Variants in CAMK2B observed in about 807,000 individuals in gnomAD.
The protein encoded by CAMK2B is calcium/calmodulin dependent protein kinase II beta, also known as calcium/calmodulin-dependent protein kinase type II subunit beta.
A neutral mutation model predicts 93.7 loss-of-function variants in CAMK2B; 27 were observed. The ratio of observed to expected loss-of-function variants is 0.29; its 90% CI spans 0.21 to 0.40. The LOEUF is 0.40. Ranked by LOEUF, CAMK2B falls within the 10% of genes least tolerant of loss-of-function variation. The probability of loss-of-function intolerance (pLI) is 1.00; values close to 1 mark genes in which losing one functional copy is unlikely to be tolerated. For missense variants in CAMK2B, 568 were observed against 895.8 expected (o/e 0.63, Z 4.67); for synonymous variants, 374 against 358.8 (o/e 1.04, Z -0.48).
intron 4 of CAMK2B, among the ~76,000 whole-genome samples, chr7:44,258,110 G>T (rs1258588314): frequency 6.6e-6 from 1 of 152,256 alleles, no homozygotes; most frequent in Non-Finnish European, 1.5e-5. Flanking sequence ...AAAAGTGAGG[G>T]AGATGAGATC....
In CAMK2B at chr7:44,225,742, A is replaced by T. The variant is rs1303836839; in HGVS notation, c.1597+774T>A. 4 of 1,288,628 alleles carry T rather than the reference A, an allele frequency of 3.1e-6. No individual in the cohort carries two copies. The highest frequency in any genetic ancestry group is 4.0e-6 in the Non-Finnish European group (4 of 988,396). 79.8% of individuals were successfully genotyped at this position (1,288,628 alleles called of 1,614,324 possible). The stretch of plus-strand genomic sequence containing the variant: ...GAGGGGACGGTGGCAAGCAGACCCC[A>T]CCTGTCCCTCAAGTACTTACCTAGC... On this transcript the variant is annotated intron_variant, in intron 20 of 23. Coordinates refer to ENST00000395749, the MANE Select transcript of CAMK2B (RefSeq NM_001220.5). The surrounding 1 kb of genome is among the most constrained non-coding windows in gnomAD (Gnocchi z 5.0).
chr7:44,308,027 G>C (rs1792403791), intron 1 of CAMK2B, among the ~76,000 whole-genome samples: 1 of 152,124 alleles, frequency 6.6e-6, no homozygotes, highest in African/African-American at 2.4e-5. Flanking sequence ...ACCTATAGGA[G>C]CTCTTTCCAT....
chr7:44,255,569 C>G (rs1332109128), intron 4 of CAMK2B, among the ~76,000 whole-genome samples: 1 of 152,184 alleles, frequency 6.6e-6, no homozygotes, highest in African/African-American at 2.4e-5. Context: ...CCTCCTCTGC[C>G]TCCGCACCCT....
rs149919373 is a variant in CAMK2B at position 44,271,310 on chromosome 7, G to C, written c.161-8246C>G. ...TGGTACCAACACACTTAACTCAAGC[G>C]TCCCAATTCACTTCAAGGCTAAACT... On this transcript the variant is annotated intron_variant, in intron 2 of 23. Transcript: ENST00000395749. The surrounding 1 kb of genome is among the most constrained non-coding windows in gnomAD (Gnocchi z 4.2). 6.6e-6 allele frequency among the ~76,000 whole-genome samples: 1 copy of C among 152,188 alleles called. No homozygotes were observed. The highest frequency in any genetic ancestry group is 1.5e-5 in the Non-Finnish European group (1 of 68,036).
chr7:44,232,690 C>T (rs899331809), intron 16 of CAMK2B, 132 bp downstream of exon 16: 24 of 828,016 alleles, frequency 2.9e-5, no homozygotes, highest in African/African-American at 2.0e-4. Flanking sequence ...GGGGCCCTAC[C>T]GTACTGCGGG....
At chr7:44,229,772 G>C in intron 17 of CAMK2B, 1 of 363,400 alleles carries the variant, frequency 2.8e-6, no homozygotes, top group Non-Finnish European at 4.9e-6. Flanking sequence ...GCAGGCTGGC[G>C]CAGAGTCAGA....
intron 1 of CAMK2B, among the ~76,000 whole-genome samples, chr7:44,323,137 C>A (rs532755709): frequency 6.6e-6 from 1 of 152,372 alleles, no homozygotes; most frequent in South Asian, 2.1e-4. Context: ...CTTCCCTACC[C>A]AAGAGCCGCC....
chr7:44,247,341 C>T (rs2096741639), intron 5 of CAMK2B, 149 bp from the exon 6 acceptor site: 3 of 685,506 alleles, frequency 4.4e-6, no homozygotes, highest in Non-Finnish European at 7.9e-6. Context: ...CCAGGAGGGG[C>T]CTCTGGGGCT....
chr7:44,289,268 C>T (rs1024227833), intron 1 of CAMK2B, among the ~76,000 whole-genome samples: 57 of 152,216 alleles, frequency 3.7e-4, no homozygotes, highest in African/African-American at 1.3e-3. Context: ...GGTCGCACTG[C>T]GGCCCTCGCC....
At position 44,229,510 on chromosome 7, in the gene CAMK2B, G is replaced by A; in HGVS notation, c.1226-9C>T. ...GTCGGGGACCCTGGGGGCTGAGGCG[G>A]AACAGGTGAGGCAGGCAGGTGGGTG... On this transcript the variant is annotated splice_polypyrimidine_tract_variant and intron_variant, in intron 17 of 23. Transcript: ENST00000395749. 7.3e-7 allele frequency: 1 copy of A among 1,375,186 alleles called. No homozygotes were observed. The highest frequency in any genetic ancestry group is 1.9e-4 in the Middle Eastern group (1 of 5,142). 85.2% of individuals were successfully genotyped at this position (1,375,186 alleles called of 1,614,324 possible).
At chr7:44,297,071 T>C (rs59756849) in intron 1 of CAMK2B, among the ~76,000 whole-genome samples, 4,492 of 152,306 alleles carry the variant, frequency 0.029, 219 homozygotes, top group African/African-American at 0.1. Flanking sequence ...AAAATAATGA[T>C]ACTAACAGTG....
intron 10 of CAMK2B, 33 bp downstream of exon 10, chr7:44,242,185 C>G: frequency 6.3e-7 from 1 of 1,598,728 alleles, no homozygotes; most frequent in Non-Finnish European, 8.5e-7. Context: ...ACCAGGAGCC[C>G]CCTCCCCACC....
In CAMK2B at chr7:44,254,619, G is replaced by T; in HGVS notation, c.276-12C>A. On this transcript the variant is annotated splice_polypyrimidine_tract_variant and intron_variant, in intron 4 of 23. Transcript: ENST00000395749. ...CCCCACCAGTGACCCTATGGGAGAA[G>T]CATGAAGGGGTCACAGATTCTGGAG... is the stretch of plus-strand genomic sequence containing the variant. The T allele has an allele frequency of 6.2e-7, 1 of 1,604,022 alleles. No individual in the cohort carries two copies. The highest frequency in any genetic ancestry group is 8.5e-7 in the Non-Finnish European group (1 of 1,172,594).
chr7:44,310,342 C>A (rs1793199995), intron 1 of CAMK2B, among the ~76,000 whole-genome samples: 1 of 152,220 alleles, frequency 6.6e-6, no homozygotes, highest in African/African-American at 2.4e-5. Context: ...TTCCACAGAA[C>A]CACTTCCTGG....
At chr7:44,228,987 G>T in intron 18 of CAMK2B, 63 bp from the exon 19 acceptor site, 2 of 1,546,266 alleles carry the variant, frequency 1.3e-6, no homozygotes, top group Non-Finnish European at 8.9e-7. Context: ...GCGGCAAGGC[G>T]GAGGAGGCCA....
chr7:44,254,636 A>T, intron 4 of CAMK2B, 29 bp from the exon 5 acceptor site: 1 of 1,533,570 alleles, frequency 6.5e-7, no homozygotes, highest in Non-Finnish European at 9.0e-7. Context: ...GGGGTCACAG[A>T]TTCTGGAGAC....
intron 1 of CAMK2B, among the ~76,000 whole-genome samples, chr7:44,298,729 A>T (rs1341466323): frequency 1.3e-5 from 2 of 152,244 alleles, no homozygotes; most frequent in Non-Finnish European, 2.9e-5. Flanking sequence ...TTGAATAGAC[A>T]TTTCTCCAAA....
chr7:44,305,775 G>T (rs530675334), intron 1 of CAMK2B, among the ~76,000 whole-genome samples: 1 of 152,330 alleles, frequency 6.6e-6, no homozygotes, highest in East Asian at 1.9e-4. Context: ...ACTCGGTCAC[G>T]CTGGCTGGGC....
intron 2 of CAMK2B, among the ~76,000 whole-genome samples, chr7:44,273,309 A>G (rs2096992947): frequency 6.6e-6 from 1 of 152,118 alleles, no homozygotes; most frequent in African/African-American, 2.4e-5. Context: ...GGCTCTGAGT[A>G]TATGTGACAA....
Sources: allele counts gnomAD v4.1 joint callset (sites outside exome capture counted in the v4.1 genomes callset), GRCh38; gene constraint gnomAD v4.1.1; non-coding constraint Gnocchi (gnomAD v3.1); transcripts MANE v1.5; gene names NCBI Gene and HGNC (gene_info 2026-07-23, HGNC 2026-07-21).